PLG: variants seen among roughly 807,000 people sequenced by gnomAD.
PLG encodes plasmin.
A neutral mutation model predicts 104.4 loss-of-function variants in PLG; 41 were observed. The observed-to-expected ratio is 0.39, with a 90% CI of 0.31 to 0.51. The LOEUF (loss-of-function observed/expected upper bound fraction) is 0.51, where lower values mean the gene tolerates loss of function less well. Among genes scored for constraint, PLG ranks in the 20% least tolerant of loss-of-function variants. PLG has a pLI of 0.76. For missense variants in PLG, 891 were observed against 1,003.6 expected, an observed-to-expected ratio of 0.89 and a Z score of 1.52; for synonymous variants, 337 against 357.1, an observed-to-expected ratio of 0.94 and a Z score of 0.63.
intron 3 of PLG, 195 bp downstream of exon 3, chr6:160,708,001 T>C: frequency 1.8e-6 from 1 of 551,174 alleles, no homozygotes; most frequent in Non-Finnish European, 3.3e-6. Context: ...ACCTCTTAGA[T>C]TTAATTTTTT....
chr6:160,715,052 C>T (rs1013325322), intron 6 of PLG, 138 bp downstream of exon 6: 2 of 848,274 alleles, frequency 2.4e-6, no homozygotes, highest in Admixed American at 2.0e-5. Context: ...TAACCTCCTC[C>T]CACAATATTG....
In PLG at chr6:160,753,717, G is replaced by A. The variant is rs896142681; in HGVS notation, c.*656G>A. ...GTCTGAATGTTATTCTGGGGCACACGTGAGTCTAGGATTGGTGCCAAGAGC... is the reference window on the plus strand; with the variant it reads ...GTCTGAATGTTATTCTGGGGCACACATGAGTCTAGGATTGGTGCCAAGAGC... On this transcript the variant is annotated 3_prime_UTR_variant, in exon 19 of 19. Transcript: ENST00000308192. The surrounding 1 kb of genome is among the most constrained non-coding windows in gnomAD (Gnocchi z 5.4). 5.9e-5 allele frequency among the ~76,000 whole-genome samples: 9 copies of A among 152,140 alleles called. No homozygotes were observed. Among genetic ancestry groups the A allele is most frequent in the East Asian group, 1.9e-4 (1 of 5,188 alleles).
intron 1 of PLG, among the ~76,000 whole-genome samples, chr6:160,705,072 C>T (rs184055561): frequency 5.2e-4 from 79 of 152,336 alleles, no homozygotes; most frequent in Non-Finnish European, 8.1e-4. Flanking sequence ...CCCACCCCCT[C>T]TGCCTGCGGC....
In PLG at chr6:160,737,036, C is replaced by T. The variant is rs1252981104; in HGVS notation, c.1802+29C>T. 2 of 1,611,142 alleles carry T rather than the reference C, an allele frequency of 1.2e-6. No individual in the cohort carries two copies. Among genetic ancestry groups the T allele is most frequent in the Non-Finnish European group, 1.7e-6 (2 of 1,179,200 alleles). ...AGAACAGGCCCAGAAACGATTTATA[C>T]TGTCCCTCCACGTAAGCCCTGCAAA... On this transcript the variant is annotated intron_variant, in intron 14 of 18. Coordinates refer to ENST00000308192, the MANE Select transcript of PLG (RefSeq NM_000301.5). The surrounding 1 kb of genome is among the most constrained non-coding windows in gnomAD (Gnocchi z 4.7).
At chr6:160,716,496 C>T (rs896622976) in intron 6 of PLG, 149 bp from the exon 7 acceptor site, 17 of 687,482 alleles carry the variant, frequency 2.5e-5, no homozygotes, top group South Asian at 2.3e-4. Context: ...TTCCTTGTTG[C>T]CATCTCTGAA....
Position 160,734,177 on chromosome 6 carries a change from TG to T in PLG, c.1681+93del. On this transcript the variant is annotated intron_variant, in intron 13 of 18. Coordinates refer to ENST00000308192, the MANE Select transcript of PLG (RefSeq NM_000301.5). The surrounding 1 kb of genome is among the most constrained non-coding windows in gnomAD (Gnocchi z 4.4). ...AAAGGGCTTCTGAGCAGACTGCTTC[TG>T]GGGAGGAGATAGCTGCCCTCTCCAT... The T allele has an allele frequency of 1.3e-6, 1 of 744,392 alleles. No homozygotes were observed. The highest frequency in any genetic ancestry group is 2.4e-6 in the Non-Finnish European group (1 of 412,386). 46.1% of individuals were successfully genotyped at this position (744,392 alleles called of 1,614,324 possible).
At chr6:160,730,996 G>A in intron 10 of PLG, 55 bp from the exon 11 acceptor site, 1 of 1,543,656 alleles carries the variant, frequency 6.5e-7, no homozygotes. Context: ...AGGGTGCTGG[G>A]TGCCCCTGAA....
chr6:160,743,649 A>C (rs1259695009), intron 17 of PLG, among the ~76,000 whole-genome samples: 4 of 152,064 alleles, frequency 2.6e-5, no homozygotes, highest in Admixed American at 2.0e-4. Context: ...GATGCCCTTT[A>C]TTTCTTTCTC....
intron 2 of PLG, 24 bp downstream of exon 2, chr6:160,706,566 A>G: frequency 6.2e-7 from 1 of 1,608,466 alleles, no homozygotes; most frequent in Non-Finnish European, 8.5e-7. Context: ...CGTTGCACCT[A>G]CGCAGGAATC....
intron 17 of PLG, among the ~76,000 whole-genome samples, chr6:160,745,920 G>T (rs959421845): frequency 6.6e-6 from 1 of 152,096 alleles, no homozygotes; most frequent in Non-Finnish European, 1.5e-5. Flanking sequence ...TGAAATTCTT[G>T]GGTGGATATT....
Position 160,731,712 on chromosome 6 carries a change from C to T in PLG, c.1439-33C>T. 1 of 1,607,996 alleles carries T rather than the reference C, an allele frequency of 6.2e-7. No individual in the cohort carries two copies. Among genetic ancestry groups the T allele is most frequent in the South Asian group, 1.1e-5 (1 of 90,948 alleles). ...TCCATATCATCCTGGGTCTCTGTGG[C>T]TCTTCATAATCATCCATTTTTTCCC... is the stretch of plus-strand genomic sequence containing the variant. On this transcript the variant is annotated intron_variant, in intron 11 of 18. Transcript: ENST00000308192. This position sits in a 1 kb window ranked among gnomAD's most constrained non-coding sequence, Gnocchi z 5.1.
At position 160,752,944 on chromosome 6, in the gene PLG, C is replaced by T; in HGVS notation, c.2316C>T (p.Tyr772=). The T allele has an allele frequency of 1.2e-6, 2 of 1,613,550 alleles. No homozygotes were observed. The highest frequency in any genetic ancestry group is 1.7e-6 in the Non-Finnish European group (2 of 1,179,588). ...TGGTTTGCTTCGAGAAGGACAAATA[C>T]ATTTTACAAGGAGTCACTTCTTGGG... ...GPLVCFEKDK[Y]ILQGVTSWGL... The change falls in exon 19 of 19, where the codon TAC becomes TAT. Residue 772 remains tyrosine, a synonymous_variant. Transcript: ENST00000308192. The surrounding 1 kb of genome is among the most constrained non-coding windows in gnomAD (Gnocchi z 4.7).
chr6:160,711,217 G>C lies in PLG; in HGVS notation c.407+26G>C, dbSNP rs1777635525. 3 of 1,607,702 alleles carry C rather than the reference G, an allele frequency of 1.9e-6. No individual in the cohort carries two copies. The South Asian group carries it at 3.3e-5, about 18-fold the overall frequency. On this transcript the variant is annotated intron_variant, in intron 4 of 18. Coordinates refer to ENST00000308192, the MANE Select transcript of PLG (RefSeq NM_000301.5). ...GTAAGACATTCCCTTTCATCTTTGT[G>C]TTCATCTACTGTAAAGTTGTCCCTC...
intron 10 of PLG, among the ~76,000 whole-genome samples, chr6:160,730,166 C>T (rs1306145228): frequency 6.6e-6 from 1 of 152,208 alleles, no homozygotes; most frequent in Non-Finnish European, 1.5e-5. Context: ...CCCCCCAGCC[C>T]GGGGTCCTCG....
chr6:160,708,013 T>C, intron 3 of PLG: 1 of 528,250 alleles, frequency 1.9e-6, no homozygotes, highest in Non-Finnish European at 3.5e-6. Flanking sequence ...TAATTTTTTT[T>C]GTTCAAAAGA....
rs571578912 is a variant in PLG at position 160,740,582 on chromosome 6, G to A, written c.2019-729G>A. 6.6e-6 allele frequency among the ~76,000 whole-genome samples: 1 copy of A among 152,298 alleles called. No individual in the cohort carries two copies. The highest frequency in any genetic ancestry group is 6.5e-5 in the Admixed American group (1 of 15,304). On this transcript the variant is annotated intron_variant, in intron 16 of 18. Coordinates refer to ENST00000308192, the MANE Select transcript of PLG (RefSeq NM_000301.5). The surrounding 1 kb of genome is among the most constrained non-coding windows in gnomAD (Gnocchi z 5.2). ...ATGCTCAGAAGCAGAAAGTGTGCCT[G>A]CTTCAAAGTTGGTGACGATGATGTT...
chr6:160,749,609 T>TAACATTATCACCACC (rs1404827438), intron 17 of PLG, among the ~76,000 whole-genome samples: 1 of 126,874 alleles, frequency 7.9e-6, no homozygotes, highest in Non-Finnish European at 1.7e-5. Context: ...TTATCATCAC[T>TAACATTATCACCACC]ACCATTATCA....
At chr6:160,730,916 C>A in intron 10 of PLG, 135 bp from the exon 11 acceptor site, 1 of 820,768 alleles carries the variant, frequency 1.2e-6, no homozygotes, top group Non-Finnish European at 2.0e-6. Flanking sequence ...TTGTTTGTTA[C>A]AACATTATTG....
At chr6:160,730,381 T>C (rs966291178) in intron 10 of PLG, among the ~76,000 whole-genome samples, 16 of 152,224 alleles carry the variant, frequency 1.1e-4, no homozygotes. Flanking sequence ...CCTAGAGAAA[T>C]GGCATCCTGC....
Sources: gnomAD v4.1 joint callset for allele counts (sites outside exome capture counted in the v4.1 genomes callset) on GRCh38, gnomAD v4.1.1 for gene constraint, Gnocchi (gnomAD v3.1) non-coding constraint, MANE v1.5 for transcripts, NCBI Gene and HGNC (gene_info 2026-07-23, HGNC 2026-07-21) for gene names.